Variants in SMIM20 observed in about 807,000 individuals in gnomAD.
SMIM20 encodes small integral membrane protein 20, also known as mitochondrial translation regulation assembly intermediate of cytochrome c oxidase protein of 7 kDa.
A neutral mutation model predicts 8.7 loss-of-function variants in SMIM20; 3 were observed. The ratio of observed to expected loss-of-function variants is 0.34; its 90% confidence interval spans 0.16 to 0.89. The LOEUF (loss-of-function observed/expected upper bound fraction) is 0.89. SMIM20 is among the 40% of genes least tolerant of loss of function. SMIM20 has a pLI of 0.49. For missense variants in SMIM20, 85 were observed against 84.8 expected, an observed-to-expected ratio of 1.00 and a Z score of -0.01; for synonymous variants, 44 against 33.6, an observed-to-expected ratio of 1.31 and a Z score of -1.07.
chr4:25,929,071 T>G, intron 2 of SMIM20, 83 bp from the exon 3 acceptor site: 2 of 1,476,704 alleles, frequency 1.4e-6, no homozygotes, highest in African/African-American at 1.4e-5. Context: ...TCAGTTCTGA[T>G]GTCATTTTGT....
At chr4:25,922,198 T>C (rs1246553485) in intron 1 of SMIM20, among the ~76,000 whole-genome samples, 1 of 152,166 alleles carries the variant, frequency 6.6e-6, no homozygotes, top group Admixed American at 6.5e-5. Context: ...GGAAGAGTTT[T>C]CTTTTAGTTT....
rs1180083217 is a variant in SMIM20, at chr4:25,929,591, C to G, written c.*400C>G. 1 of 164,038 alleles carries G rather than the reference C, an allele frequency of 6.1e-6. No individual in the cohort carries two copies. The highest frequency in any genetic ancestry group is 1.3e-5 in the Non-Finnish European group (1 of 76,286). 10.2% of individuals were successfully genotyped at this position (164,038 alleles called of 1,614,324 possible). The stretch of plus-strand genomic sequence containing the variant: ...CTGCCATCTTCCAGATAAGAGATTT[C>G]AGTAAAAAACTGCCATGCTGAGCTG... On this transcript the variant is annotated 3_prime_UTR_variant, in exon 3 of 3. Transcript: ENST00000506197.
intron 1 of SMIM20, among the ~76,000 whole-genome samples, chr4:25,925,426 G>A (rs950557717): frequency 6.6e-6 from 1 of 151,978 alleles, no homozygotes; most frequent in African/African-American, 2.4e-5. Context: ...TAGTAGAGAT[G>A]GGGTTTCGTC....
chr4:25,920,242 C>T (rs914967318), intron 1 of SMIM20, among the ~76,000 whole-genome samples: 8 of 152,016 alleles, frequency 5.3e-5, no homozygotes, highest in African/African-American at 1.7e-4. Flanking sequence ...TATTTTGGCC[C>T]GCGATAGACC....
intron 1 of SMIM20, among the ~76,000 whole-genome samples, chr4:25,918,544 C>G (rs1234418053): frequency 6.6e-6 from 1 of 151,752 alleles, no homozygotes; most frequent in Non-Finnish European, 1.5e-5. Context: ...GCTGTTGATG[C>G]CTAGGCTGGA....
chr4:25,917,746 G>C (rs2109362560), intron 1 of SMIM20, among the ~76,000 whole-genome samples: 1 of 152,202 alleles, frequency 6.6e-6, no homozygotes, highest in Middle Eastern at 3.4e-3. Flanking sequence ...CCCATTCCTG[G>C]GACTGAGCTG....
At chr4:25,925,529 G>A (rs1054667179) in intron 1 of SMIM20, among the ~76,000 whole-genome samples, 10 of 152,170 alleles carry the variant, frequency 6.6e-5, no homozygotes, top group African/African-American at 1.2e-4. Flanking sequence ...GAGCCACTGC[G>A]CCCGGCAGAG....
chr4:25,921,645 C>T (rs141179370), intron 1 of SMIM20, among the ~76,000 whole-genome samples: 3,229 of 152,242 alleles, frequency 0.021, 46 homozygotes, highest in Non-Finnish European at 0.033. Context: ...GCTGAGACGC[C>T]GGATGTGAGC....
intron 1 of SMIM20, among the ~76,000 whole-genome samples, chr4:25,917,048 C>T (rs1350321852): frequency 6.6e-6 from 1 of 152,118 alleles, no homozygotes; most frequent in Non-Finnish European, 1.5e-5. Context: ...TGATCATCAT[C>T]CCCATTTTAT....
chr4:25,928,130 C>T (rs1056480520), intron 1 of SMIM20, 183 bp from the exon 2 acceptor site: 5 of 444,866 alleles, frequency 1.1e-5, no homozygotes, highest in Non-Finnish European at 1.9e-5. Context: ...AATACCCAAT[C>T]TCTTTTGCAT....
intron 1 of SMIM20, among the ~76,000 whole-genome samples, chr4:25,918,035 C>T (rs375641708): frequency 4.6e-5 from 7 of 151,516 alleles, no homozygotes; most frequent in South Asian, 2.1e-4. Context: ...CTCCGCCTCC[C>T]GGGTTCACGC....
At chr4:25,923,212 A>G (rs1719228862) in intron 1 of SMIM20, among the ~76,000 whole-genome samples, 1 of 152,198 alleles carries the variant, frequency 6.6e-6, no homozygotes, top group South Asian at 2.1e-4. Flanking sequence ...CCCTGTTGGC[A>G]TAGCATGTTT....
chr4:25,916,842 C>G (rs1719101187), intron 1 of SMIM20, among the ~76,000 whole-genome samples: 1 of 152,250 alleles, frequency 6.6e-6, no homozygotes, highest in African/African-American at 2.4e-5. Context: ...AAACTGACTG[C>G]TGTAACATTT....
intron 1 of SMIM20, among the ~76,000 whole-genome samples, chr4:25,924,811 G>T (rs528395007): frequency 6.6e-6 from 1 of 152,106 alleles, no homozygotes; most frequent in Non-Finnish European, 1.5e-5. Flanking sequence ...GAAATTTAAC[G>T]TTGATACAGT....
At chr4:25,917,384 A>G (rs78459221) in intron 1 of SMIM20, among the ~76,000 whole-genome samples, 2 of 152,262 alleles carry the variant, frequency 1.3e-5, no homozygotes, top group East Asian at 1.9e-4. Flanking sequence ...ATAGTCTTAT[A>G]TTAGATATTT....
At chr4:25,923,762 C>A (rs6448416) in intron 1 of SMIM20, among the ~76,000 whole-genome samples, 133,644 of 152,314 alleles carry the variant, frequency 0.88, 58,755 homozygotes, top group African/African-American at 0.92. Context: ...CTTACCTTGT[C>A]AGGGCATTTT....
At chr4:25,921,735 C>G (rs1719206264) in intron 1 of SMIM20, among the ~76,000 whole-genome samples, 1 of 152,136 alleles carries the variant, frequency 6.6e-6, no homozygotes, top group Non-Finnish European at 1.5e-5. Flanking sequence ...AGGCAGCATT[C>G]AGAGATTGTA....
intron 1 of SMIM20, among the ~76,000 whole-genome samples, chr4:25,925,434 G>A (rs1209296683): frequency 4.0e-5 from 6 of 151,868 alleles, no homozygotes; most frequent in South Asian, 2.1e-4. Context: ...ATGGGGTTTC[G>A]TCACGTTGGC....
intron 1 of SMIM20, among the ~76,000 whole-genome samples, chr4:25,921,846 A>T (rs1490162727): frequency 5.9e-5 from 9 of 152,188 alleles, no homozygotes; most frequent in African/African-American, 2.2e-4. Flanking sequence ...AAGGAGACTG[A>T]GGAGGAGTGG....
Sources: gnomAD v4.1 joint callset for allele counts (sites outside exome capture counted in the v4.1 genomes callset) on GRCh38, gnomAD v4.1.1 for gene constraint, MANE v1.5 for transcripts, NCBI Gene and HGNC (gene_info 2026-07-23, HGNC 2026-07-21) for gene names.